Variants in OSBPL3 observed in about 807,000 individuals in gnomAD.
The protein encoded by OSBPL3 is oxysterol-binding protein-related protein 3.
A neutral mutation model predicts 120.1 loss-of-function variants in OSBPL3; 65 were observed. The ratio of observed to expected loss-of-function variants is 0.54; its 90% confidence interval spans 0.44 to 0.67. The LOEUF (loss-of-function observed/expected upper bound fraction) is 0.67, where lower values mean the gene tolerates loss of function less well. Ranked by LOEUF, OSBPL3 falls within the 30% of genes least tolerant of loss-of-function variation. The pLI, the probability that OSBPL3 is intolerant of heterozygous loss-of-function variation, is 0.00. For synonymous variants in OSBPL3, 416 were observed against 402.6 expected, an observed-to-expected ratio of 1.03 and a Z score of -0.40; for missense variants, 1,004 against 1,082.1, an observed-to-expected ratio of 0.93 and a Z score of 1.01.
intron 13 of OSBPL3, among the ~76,000 whole-genome samples, chr7:24,842,011 T>C (rs552645156): frequency 1.3e-3 from 182 of 141,620 alleles, no homozygotes; most frequent in Non-Finnish European, 2.1e-3. Flanking sequence ...AGGCTCTGTT[T>C]AAAAAAAAAA....
At chr7:24,901,199 C>T (rs562142832) in intron 1 of OSBPL3, among the ~76,000 whole-genome samples, 11 of 151,660 alleles carry the variant, frequency 7.3e-5, no homozygotes, top group Admixed American at 2.0e-4. Flanking sequence ...CAGTGGCAGG[C>T]GCCTGTAATC....
intron 16 of OSBPL3, among the ~76,000 whole-genome samples, chr7:24,828,960 C>T (rs187733741): frequency 1.6e-4 from 24 of 152,326 alleles, no homozygotes; most frequent in African/African-American, 5.5e-4. Context: ...ATGTAACCCT[C>T]TTTCTGTCTT....
At position 24,955,938 on chromosome 7, in the gene OSBPL3, C is replaced by A. The variant is rs1484273389; in HGVS notation, c.-150+23948G>T. ...CAGATCTTTTTCACTCAAACTAGTT[C>A]TTGGTCCTGCTGAGGAAACCCTATG... On this transcript the variant is annotated intron_variant, in intron 1 of 22. Coordinates refer to ENST00000313367, the MANE Select transcript of OSBPL3 (RefSeq NM_015550.4). The surrounding 1 kb of genome is among the most constrained non-coding windows in gnomAD (Gnocchi z 4.3). Among the ~76,000 whole-genome samples, 1 of 152,244 alleles carries A rather than the reference C, an allele frequency of 6.6e-6. No individual in the cohort carries two copies. The highest frequency in any genetic ancestry group is 2.4e-5 in the African/African-American group (1 of 41,450).
chr7:24,915,524 C>G (rs1008872690), intron 1 of OSBPL3, among the ~76,000 whole-genome samples: 4 of 144,870 alleles, frequency 2.8e-5, no homozygotes, highest in Admixed American at 6.8e-5. Flanking sequence ...ATATGGCACC[C>G]AAAACCCCTT....
chr7:24,853,632 T>C (rs1376686705), intron 10 of OSBPL3, among the ~76,000 whole-genome samples: 1 of 152,248 alleles, frequency 6.6e-6, no homozygotes, highest in Non-Finnish European at 1.5e-5. Context: ...CTGTATTTCC[T>C]GAATTTGATT....
At position 24,883,618 on chromosome 7, in the gene OSBPL3, TA is replaced by T. The variant is rs200083181; in HGVS notation, c.96+8758del. On this transcript the variant is annotated intron_variant, in intron 2 of 22. Transcript: ENST00000313367. The surrounding 1 kb of genome is among the most constrained non-coding windows in gnomAD (Gnocchi z 5.4). Reference sequence around the variant, plus strand: ...GCAGTTTTCATCAAAGTAATATTTCTAAATCTCACCCAAATATATTTGCTGT... The same window carrying T: ...GCAGTTTTCATCAAAGTAATATTTCTAATCTCACCCAAATATATTTGCTGT... Among the ~76,000 whole-genome samples, 1,840 of 152,348 alleles carry T rather than the reference TA, an allele frequency of 0.012. 24 individuals are homozygous for T. Among genetic ancestry groups the T allele is most frequent in the Middle Eastern group, 0.068 (20 of 294 alleles).
chr7:24,800,402 G>C, intron 22 of OSBPL3, 123 bp from the exon 23 acceptor site: 1 of 543,214 alleles, frequency 1.8e-6, no homozygotes. Context: ...GCGTCCCAGA[G>C]TGTTGGGACC....
chr7:24,960,566 G>A (rs577899754), intron 1 of OSBPL3, among the ~76,000 whole-genome samples: 8 of 152,046 alleles, frequency 5.3e-5, no homozygotes, highest in Non-Finnish European at 1.0e-4. Flanking sequence ...CAGGCACTCC[G>A]AGACAGATGA....
Position 24,855,144 on chromosome 7 carries a change from G to A in OSBPL3, c.1028-2510C>T, listed in dbSNP as rs905337575. Among the ~76,000 whole-genome samples the A allele has an allele frequency of 1.3e-5, 2 of 152,166 alleles. No homozygotes were observed. Among genetic ancestry groups the A allele is most frequent in the African/African-American group, 2.4e-5 (1 of 41,428 alleles). ...GGAGAGCAGCAAGCCACACAGTTAC[G>A]GACTGCATCCTATGTCCTATTAGAT... is the stretch of plus-strand genomic sequence containing the variant. On this transcript the variant is annotated intron_variant, in intron 10 of 22. Coordinates refer to ENST00000313367, the MANE Select transcript of OSBPL3 (RefSeq NM_015550.4). The surrounding 1 kb of genome is among the most constrained non-coding windows in gnomAD (Gnocchi z 4.3).
chr7:24,841,482 A>C (rs1334878904), intron 13 of OSBPL3, among the ~76,000 whole-genome samples: 1 of 151,740 alleles, frequency 6.6e-6, no homozygotes, highest in Non-Finnish European at 1.5e-5. Flanking sequence ...GGATCACTTG[A>C]GGCTAGGAGT....
chr7:24,909,933 T>C (rs1409260884), intron 1 of OSBPL3, among the ~76,000 whole-genome samples: 2 of 151,622 alleles, frequency 1.3e-5, no homozygotes, highest in Non-Finnish European at 2.9e-5. Flanking sequence ...GTCTCATGAG[T>C]AGCTGGGATT....
At chr7:24,885,881 T>C (rs1285620300) in intron 2 of OSBPL3, among the ~76,000 whole-genome samples, 1 of 152,234 alleles carries the variant, frequency 6.6e-6, no homozygotes, top group Non-Finnish European at 1.5e-5. Context: ...CTTGGTCATC[T>C]TTATCAAGCT....
Position 24,871,793 on chromosome 7 carries a change from T to G in OSBPL3, c.216A>C (p.Arg72Ser). 3.1e-6 allele frequency: 5 copies of G among 1,611,148 alleles called. No individual in the cohort carries two copies. Among genetic ancestry groups the G allele is most frequent in the Non-Finnish European group, 4.2e-6 (5 of 1,177,420 alleles). Residue 72 changes from arginine (R) to serine (S), a missense_variant and splice_region_variant, in exon 4 of 23, where the codon AGA (arginine) becomes AGC (serine). Coordinates refer to ENST00000313367, the MANE Select transcript of OSBPL3 (RefSeq NM_015550.4). The surrounding 1 kb of genome is among the most constrained non-coding windows in gnomAD (Gnocchi z 4.8). The part of the protein sequence containing the change: ...RKWPLKGWHK[R>S]FFYLDKGILK... ...AGATTCCTTTGTCCAGATAGAAGAA[T>G]CTCTGTGGGGAAGAAAGTATTATTA...
At position 24,979,924 on chromosome 7, in the gene OSBPL3, G is replaced by A. The variant is rs1027554852; in HGVS notation, c.-188C>T. ...AGCCGGAGACGCTCCCTAGTTCCCC[G>A]GGGCCGGGCTCCGGGGTTAGCGCAC... On this transcript the variant is annotated 5_prime_UTR_variant, in exon 1 of 23. Coordinates refer to ENST00000313367, the MANE Select transcript of OSBPL3 (RefSeq NM_015550.4). 5.0e-5 allele frequency: 49 copies of A among 972,346 alleles called. No homozygotes were observed. The highest frequency in any genetic ancestry group is 5.8e-5 in the Non-Finnish European group (48 of 823,916). 60.2% of individuals were successfully genotyped at this position (972,346 alleles called of 1,614,324 possible).
chr7:24,911,279 G>A (rs1174578607), intron 1 of OSBPL3, among the ~76,000 whole-genome samples: 2 of 152,214 alleles, frequency 1.3e-5, no homozygotes, highest in Non-Finnish European at 2.9e-5. Flanking sequence ...ATCAGTGGGT[G>A]TTATTACGCT....
rs562843659 is a variant in OSBPL3, at chr7:24,956,552, T to A, written c.-150+23334A>T. Among the ~76,000 whole-genome samples, 43 of 152,318 alleles carry A rather than the reference T, an allele frequency of 2.8e-4. No homozygotes were observed. The South Asian group carries it at 5.2e-3, about 18-fold the overall frequency. On this transcript the variant is annotated intron_variant, in intron 1 of 22. Transcript: ENST00000313367. ...TCATAGCTTCACTATCAAATGGCCA[T>A]CTTCCTTTGTCTTACGCACATGAGG...
At chr7:24,859,828 CATT>C (rs1044795502) in intron 10 of OSBPL3, among the ~76,000 whole-genome samples, 6 of 152,162 alleles carry the variant, frequency 3.9e-5, no homozygotes, top group African/African-American at 9.7e-5. Flanking sequence ...AAGTAGCTCT[CATT>C]ATTATTATTA....
At chr7:24,864,359 T>C (rs1019922871) in intron 7 of OSBPL3, among the ~76,000 whole-genome samples, 4 of 152,356 alleles carry the variant, frequency 2.6e-5, no homozygotes, top group Non-Finnish European at 5.9e-5. Flanking sequence ...CACAGCTCGT[T>C]GGGCTCCACC....
chr7:24,834,397 C>T lies in OSBPL3; in HGVS notation c.1746+89G>A. 2 of 1,536,622 alleles carry T rather than the reference C, an allele frequency of 1.3e-6. No individual in the cohort carries two copies. Among genetic ancestry groups the T allele is most frequent in the Non-Finnish European group, 8.7e-7 (1 of 1,143,236 alleles). On this transcript the variant is annotated intron_variant, in intron 15 of 22. Coordinates refer to ENST00000313367, the MANE Select transcript of OSBPL3 (RefSeq NM_015550.4). This position sits in a 1 kb window ranked among gnomAD's most constrained non-coding sequence, Gnocchi z 5.2. ...ACAATCAAAATGAAACCGGAGGGAACAGGGGCTGTCTCTCTGATGGGCCCC... is the reference window on the plus strand; with the variant it reads ...ACAATCAAAATGAAACCGGAGGGAATAGGGGCTGTCTCTCTGATGGGCCCC...
Sources: gnomAD v4.1 joint callset for allele counts (sites outside exome capture counted in the v4.1 genomes callset) on GRCh38, gnomAD v4.1.1 for gene constraint, Gnocchi (gnomAD v3.1) non-coding constraint, MANE v1.5 for transcripts, NCBI Gene and HGNC (gene_info 2026-07-23, HGNC 2026-07-21) for gene names.